Variants in CYS1 observed in about 807,000 individuals in gnomAD.
The protein encoded by CYS1 is cystin-1.
In CYS1, 5 loss-of-function variants were observed where a neutral mutation model predicts 9.6. That is an observed-to-expected ratio of 0.52 (90% CI 0.27 to 1.10). CYS1 has a LOEUF of 1.10. Ranked by LOEUF, CYS1 falls within the 50% of genes least tolerant of loss-of-function variation. The probability of loss-of-function intolerance (pLI) is 0.11; values close to 1 mark genes in which losing one functional copy is unlikely to be tolerated. For synonymous variants in CYS1, 88 were observed against 95.7 expected (o/e 0.92, Z 0.47); for missense variants, 221 against 207.9 (o/e 1.06, Z -0.39).
Position 10,056,752 on chromosome 2 carries a change from C to T in CYS1, c.*2101G>A, listed in dbSNP as rs1661554296. ...ACTTCCAGGCACAGCCCCTCCGTCT[C>T]ACAGGACAGAGACAGGGCCGGCTCA... On this transcript the variant is annotated 3_prime_UTR_variant, in exon 3 of 3. Coordinates refer to ENST00000381813, the MANE Select transcript of CYS1 (RefSeq NM_001037160.3). 1 of 152,310 alleles carries T rather than the reference C, an allele frequency of 6.6e-6. No individual in the cohort carries two copies. The highest frequency in any genetic ancestry group is 1.5e-5 in the Non-Finnish European group (1 of 68,092). The allele number at this position is 152,310 out of a possible 1,614,324, so 9.4% of individuals were successfully genotyped here.
chr2:10,073,970 C>A (rs1023960366), intron 1 of CYS1, among the ~76,000 whole-genome samples: 11 of 152,204 alleles, frequency 7.2e-5, no homozygotes, highest in Non-Finnish European at 1.3e-4. Context: ...AGGCTGCCCG[C>A]TCCTCCCCCG....
At position 10,058,578 on chromosome 2, in the gene CYS1, C is replaced by T; in HGVS notation, c.*275G>A. Reference sequence around the variant, plus strand: ...GCACGCATTTCAGGCTCCAGAAGAACTGGGCAGGCTCCCCGCGTTGGGGAG... The same window carrying T: ...GCACGCATTTCAGGCTCCAGAAGAATTGGGCAGGCTCCCCGCGTTGGGGAG... On this transcript the variant is annotated 3_prime_UTR_variant, in exon 3 of 3. Coordinates refer to ENST00000381813, the MANE Select transcript of CYS1 (RefSeq NM_001037160.3). The T allele has an allele frequency of 2.7e-6, 1 of 367,002 alleles. No homozygotes were observed. The highest frequency in any genetic ancestry group is 4.1e-5 in the East Asian group (1 of 24,110). The allele number at this position is 367,002 out of a possible 1,614,324, so 22.7% of individuals were successfully genotyped here. A position where few individuals can be genotyped will look rare whatever the true frequency, so the allele number is the denominator to read the frequency against.
chr2:10,070,305 C>T (rs1176768285), intron 1 of CYS1, among the ~76,000 whole-genome samples: 2 of 152,170 alleles, frequency 1.3e-5, no homozygotes, highest in African/African-American at 4.8e-5. Context: ...TGACCTCTAT[C>T]GCTGCGGTCC....
intron 1 of CYS1, among the ~76,000 whole-genome samples, chr2:10,069,200 T>C (rs778121879): frequency 6.6e-6 from 1 of 152,212 alleles, no homozygotes; most frequent in Admixed American, 6.5e-5. Flanking sequence ...TCCACTGTTA[T>C]AATGGCTGCA....
At chr2:10,068,658 C>A (rs1201209698) in intron 1 of CYS1, among the ~76,000 whole-genome samples, 1 of 152,152 alleles carries the variant, frequency 6.6e-6, no homozygotes, top group African/African-American at 2.4e-5. Context: ...AATAGGTGTA[C>A]ACGATTACAA....
chr2:10,080,263 A>C lies in CYS1; in HGVS notation c.-40T>G, dbSNP rs939021187. Reference sequence around the variant, plus strand: ...CTCCCGGACCGCCGAGGGGGCCCCCATGAGGGGGCGCGGCCGGGGGCGGGG... The same window carrying C: ...CTCCCGGACCGCCGAGGGGGCCCCCCTGAGGGGGCGCGGCCGGGGGCGGGG... On this transcript the variant is annotated 5_prime_UTR_variant, in exon 1 of 3. An upstream start codon of the reference 5' UTR is lost. Transcript: ENST00000381813. The surrounding 1 kb of genome is among the most constrained non-coding windows in gnomAD (Gnocchi z 6.4). The C allele has an allele frequency of 6.4e-4, 629 of 981,396 alleles. 3 individuals are homozygous for C. The highest frequency in any genetic ancestry group is 5.4e-4 in the Non-Finnish European group (448 of 825,166). The allele number at this position is 981,396 out of a possible 1,614,324, so 60.8% of individuals were successfully genotyped here.
chr2:10,073,055 G>A (rs923228181), intron 1 of CYS1, among the ~76,000 whole-genome samples: 22 of 149,218 alleles, frequency 1.5e-4, no homozygotes, highest in African/African-American at 5.6e-4. Flanking sequence ...TGTGGGAGCA[G>A]TGCAGGTGGG....
intron 2 of CYS1, 27 bp downstream of exon 2, chr2:10,065,877 G>A (rs749264028): frequency 1.9e-6 from 3 of 1,613,638 alleles, no homozygotes; most frequent in African/African-American, 1.3e-5. Flanking sequence ...GTGGCTTCTG[G>A]GAGAGATGTG....
At position 10,058,551 on chromosome 2, in the gene CYS1, G is replaced by A. The variant is rs756628479; in HGVS notation, c.*302C>T. 1.6e-5 allele frequency: 5 copies of A among 316,404 alleles called. No homozygotes were observed. The highest frequency in any genetic ancestry group is 2.4e-5 in the Non-Finnish European group (4 of 168,986). 19.6% of individuals were successfully genotyped at this position (316,404 alleles called of 1,614,324 possible). A position where few individuals can be genotyped will look rare whatever the true frequency, so the allele number is the denominator to read the frequency against. On this transcript the variant is annotated 3_prime_UTR_variant, in exon 3 of 3. Coordinates refer to ENST00000381813, the MANE Select transcript of CYS1 (RefSeq NM_001037160.3). ...ACTGTGGAGAGCGGGCAACCAAGAG[G>A]GGCACGCATTTCAGGCTCCAGAAGA...
At chr2:10,067,075 G>A (rs1185297110) in intron 1 of CYS1, among the ~76,000 whole-genome samples, 1 of 152,136 alleles carries the variant, frequency 6.6e-6, no homozygotes, top group Non-Finnish European at 1.5e-5. Context: ...GAGTGCAATG[G>A]TGCGATCTCA....
intron 1 of CYS1, among the ~76,000 whole-genome samples, chr2:10,074,317 C>G (rs7591484): frequency 0.15 from 22,199 of 152,264 alleles, 2,218 homozygotes; most frequent in African/African-American, 0.28. Flanking sequence ...CTCAACTACA[C>G]AAGCAGGGAA....
rs180700353 is a variant in CYS1 at position 10,079,964 on chromosome 2, G to A, written c.260C>T (p.Pro87Leu). Reference protein sequence around the residue: ...LLAESAAWGPPEPAPRRPARL... With the variant: ...LLAESAAWGPLEPAPRRPARL... ...GGCTGGGCGGCGCGGGGCGGGCTCC[G>A]GGGGGCCCCAGGCCGCCGACTCGGC... The change falls in exon 1 of 3, where the codon CCG becomes CTG. Residue 87 changes from proline (P) to leucine (L), a missense_variant. Coordinates refer to ENST00000381813, the MANE Select transcript of CYS1 (RefSeq NM_001037160.3). 54,141 of 1,111,580 alleles carry A rather than the reference G, an allele frequency of 0.049. 2,263 individuals carry two copies. The highest frequency in any genetic ancestry group is 0.17 in the East Asian group (3,296 of 19,834). 68.9% of individuals were successfully genotyped at this position (1,111,580 alleles called of 1,614,324 possible).
chr2:10,060,307 C>T (rs145365214), intron 2 of CYS1, among the ~76,000 whole-genome samples: 3 of 152,350 alleles, frequency 2.0e-5, no homozygotes, highest in East Asian at 1.9e-4. Context: ...TCCCCCTCTG[C>T]GAGCTTGGGG....
Position 10,080,379 on chromosome 2 carries a change from CG to C in CYS1, c.-157del. On this transcript the variant is annotated 5_prime_UTR_variant, in exon 1 of 3. Coordinates refer to ENST00000381813, the MANE Select transcript of CYS1 (RefSeq NM_001037160.3). This position sits in a 1 kb window ranked among gnomAD's most constrained non-coding sequence, Gnocchi z 6.4. The stretch of plus-strand genomic sequence containing the variant: ...GCGGCCAGGGGCTAGGGTTCCCGGG[CG>C]GGGGTCGCGGCCGGAGGACGGGGGT... 1 of 273,952 alleles carries C rather than the reference CG, an allele frequency of 3.7e-6. No individual in the cohort carries two copies. Among genetic ancestry groups the C allele is most frequent in the Non-Finnish European group, 5.5e-6 (1 of 181,330 alleles). The allele number at this position is 273,952 out of a possible 1,614,324, so 17.0% of individuals were successfully genotyped here.
At chr2:10,078,288 A>G (rs908853597) in intron 1 of CYS1, among the ~76,000 whole-genome samples, 1 of 152,084 alleles carries the variant, frequency 6.6e-6, no homozygotes, top group African/African-American at 2.4e-5. Flanking sequence ...CCACTCACAC[A>G]GGTGGTCATG....
intron 1 of CYS1, among the ~76,000 whole-genome samples, chr2:10,073,221 CCCCCG>C (rs1415586097): frequency 4.3e-5 from 6 of 141,036 alleles, no homozygotes; most frequent in Non-Finnish European, 7.8e-5. Flanking sequence ...CCCCCCCCCC[CCCCCG>C]GCTGTGGGCT....
At chr2:10,061,224 C>T (rs979288501) in intron 2 of CYS1, among the ~76,000 whole-genome samples, 2 of 151,998 alleles carry the variant, frequency 1.3e-5, no homozygotes, top group Non-Finnish European at 1.5e-5. Context: ...AGAACAAGAC[C>T]CTATCTCAAA....
intron 1 of CYS1, among the ~76,000 whole-genome samples, chr2:10,075,289 G>A (rs1418292642): frequency 2.6e-5 from 4 of 152,220 alleles, no homozygotes; most frequent in East Asian, 1.9e-4. Flanking sequence ...ACGCCTCCAC[G>A]TGTGCAGACG....
intron 2 of CYS1, among the ~76,000 whole-genome samples, chr2:10,060,724 A>G (rs1306536939): frequency 4.6e-5 from 7 of 152,256 alleles, no homozygotes; most frequent in Non-Finnish European, 8.8e-5. Flanking sequence ...TTCTGGAGCC[A>G]GGCAGATCTC....
Sources: allele counts gnomAD v4.1 joint callset (sites outside exome capture counted in the v4.1 genomes callset), GRCh38; gene constraint gnomAD v4.1.1; non-coding constraint Gnocchi (gnomAD v3.1); transcripts MANE v1.5; gene names NCBI Gene and HGNC (gene_info 2026-07-23, HGNC 2026-07-21).